The following VIL1 variants were observed in gnomAD, a reference collection of about 807,000 sequenced individuals.
VIL1 encodes the protein villin-1.
VIL1 carries 86 observed loss-of-function variants against 104.0 expected under a neutral mutation model. That is an observed-to-expected ratio of 0.83 (90% confidence interval 0.69 to 0.99). VIL1 has a LOEUF of 0.99. Ranked by LOEUF, VIL1 falls within the 50% of genes least tolerant of loss-of-function variation. The pLI is 0.00. For synonymous variants in VIL1, 394 were observed against 412.6 expected, an observed-to-expected ratio of 0.95 and a Z score of 0.55; for missense variants, 944 against 1,054.1, an observed-to-expected ratio of 0.90 and a Z score of 1.45.
At position 218,437,304 on chromosome 2, in the gene VIL1, A is replaced by C; in HGVS notation, c.2152A>C (p.Lys718Gln). The C allele has an allele frequency of 6.2e-7, 1 of 1,613,704 alleles. No homozygotes were observed. Among genetic ancestry groups the C allele is most frequent in the Non-Finnish European group, 8.5e-7 (1 of 1,179,888 alleles). ...TGWFLAWDPFKWSNTKSYEDL... is the reference protein window; with the variant it reads ...TGWFLAWDPFQWSNTKSYEDL... ...CTGGTTCCTGGCTTGGGATCCCTTC[A>C]AGTGGAGTGTGAGTGGCCTCATCCC... Residue 718 changes from lysine (K) to glutamine (Q), a missense_variant, in exon 17 of 20, where the codon AAG becomes CAG. Lys to Gln is a moderately conservative substitution (Grantham distance 53). Coordinates refer to ENST00000248444, the MANE Select transcript of VIL1 (RefSeq NM_007127.3).
At chr2:218,443,355 G>A (rs376854240) in intron 19 of VIL1, among the ~76,000 whole-genome samples, 3 of 151,782 alleles carry the variant, frequency 2.0e-5, no homozygotes, top group Non-Finnish European at 2.9e-5. Flanking sequence ...ACACCACCAC[G>A]CCTGTCTAAT....
At chr2:218,444,213 A>C (rs1369465520) in intron 19 of VIL1, among the ~76,000 whole-genome samples, 1 of 151,210 alleles carries the variant, frequency 6.6e-6, no homozygotes, top group Admixed American at 6.6e-5. Flanking sequence ...CAGGTGATCC[A>C]CCCGCCTCAG....
intron 18 of VIL1, 35 bp downstream of exon 18, chr2:218,438,761 G>A (rs370405217): frequency 8.2e-6 from 13 of 1,590,288 alleles, no homozygotes; most frequent in South Asian, 1.1e-5. Context: ...GCCCTGCAGT[G>A]GCCAGCTGGT....
At chr2:218,432,666 T>C in intron 12 of VIL1, 127 bp from the exon 13 acceptor site, 2 of 1,254,334 alleles carry the variant, frequency 1.6e-6, no homozygotes, top group Admixed American at 4.1e-5. Flanking sequence ...ACAGTGGAGT[T>C]TGGTGGGGAA....
At chr2:218,429,724 C>A in intron 8 of VIL1, 49 bp downstream of exon 8, 1 of 1,610,574 alleles carries the variant, frequency 6.2e-7, no homozygotes, top group Middle Eastern at 1.7e-4. Flanking sequence ...GGCCCCCTTT[C>A]CCTCAAGCAG....
At chr2:218,448,601 A>G (rs1689407936) in intron 19 of VIL1, among the ~76,000 whole-genome samples, 2 of 151,892 alleles carry the variant, frequency 1.3e-5, no homozygotes, top group Admixed American at 1.3e-4. Flanking sequence ...TAGAGAGGAA[A>G]CTAAGGCTTG....
intron 19 of VIL1, among the ~76,000 whole-genome samples, chr2:218,441,957 A>G (rs767773340): frequency 1.3e-5 from 2 of 152,148 alleles, no homozygotes; most frequent in Non-Finnish European, 2.9e-5. Flanking sequence ...ATTGCACTCC[A>G]GCCTGGGCGA....
In VIL1 at chr2:218,423,865, T is replaced by A. The variant is rs1319631649; in HGVS notation, c.75+12T>A. 6.2e-7 allele frequency: 1 copy of A among 1,614,068 alleles called. No individual in the cohort carries two copies. The highest frequency in any genetic ancestry group is 8.5e-7 in the Non-Finnish European group (1 of 1,179,938). On this transcript the variant is annotated intron_variant, in intron 2 of 19. Coordinates refer to ENST00000248444, the MANE Select transcript of VIL1 (RefSeq NM_007127.3). ...TATGGAGGATCGAGGTGAGGCCCTG[T>A]CTGGGCATGGGGGCTGCTCAGGCCT...
At chr2:218,424,409 G>A (rs995965428) in intron 3 of VIL1, 58 bp downstream of exon 3, 1 of 1,563,654 alleles carries the variant, frequency 6.4e-7, no homozygotes, top group African/African-American at 1.3e-5. Context: ...GTGGTGTCAG[G>A]GAGGAAACAG....
At chr2:218,444,381 G>A (rs187820075) in intron 19 of VIL1, among the ~76,000 whole-genome samples, 9 of 152,020 alleles carry the variant, frequency 5.9e-5, no homozygotes, top group East Asian at 5.8e-4. Flanking sequence ...CTGGGTTCAC[G>A]CCATTCTCCT....
At chr2:218,430,524 G>T (rs532312245) in intron 9 of VIL1, among the ~76,000 whole-genome samples, 1 of 152,070 alleles carries the variant, frequency 6.6e-6, no homozygotes, top group Non-Finnish European at 1.5e-5. Flanking sequence ...TTAGGTTTCA[G>T]GCGGTATCAG....
chr2:218,444,574 G>A (rs967500562), intron 19 of VIL1, among the ~76,000 whole-genome samples: 14 of 152,192 alleles, frequency 9.2e-5, no homozygotes, highest in South Asian at 2.1e-4. Flanking sequence ...CACCGTGCCC[G>A]GCCGGCCTGT....
chr2:218,423,329 A>T (rs2106389738), intron 1 of VIL1, among the ~76,000 whole-genome samples: 1 of 152,334 alleles, frequency 6.6e-6, no homozygotes, highest in East Asian at 1.9e-4. Context: ...TGGGAGGCAG[A>T]GGTTGCAGTG....
intron 1 of VIL1, among the ~76,000 whole-genome samples, chr2:218,419,906 T>C (rs755514671): frequency 6.2e-4 from 94 of 152,284 alleles, no homozygotes; most frequent in Non-Finnish European, 8.4e-4. Flanking sequence ...CGGGACATCA[T>C]CTGCTGGGGC....
chr2:218,434,711 T>C lies in VIL1; in HGVS notation c.1680+6T>C. 1.9e-6 allele frequency: 3 copies of C among 1,610,308 alleles called. No individual in the cohort carries two copies. On this transcript the variant is annotated splice_donor_region_variant and intron_variant, in intron 14 of 19. Coordinates refer to ENST00000248444, the MANE Select transcript of VIL1 (RefSeq NM_007127.3). ...GCTATCTATGGTGTGGGAAGGTGTG[T>C]TCAGGGTCTAGAGGCCTCCCCATCC... is the stretch of plus-strand genomic sequence containing the variant.
At chr2:218,432,278 C>G in intron 12 of VIL1, 95 bp downstream of exon 12, 3 of 1,522,410 alleles carry the variant, frequency 2.0e-6, no homozygotes, top group Non-Finnish European at 2.6e-6. Flanking sequence ...GGTTGAATAC[C>G]TCTGGGGATG....
intron 14 of VIL1, 113 bp downstream of exon 14, chr2:218,434,818 C>T: frequency 1.7e-6 from 2 of 1,173,208 alleles, no homozygotes; most frequent in Non-Finnish European, 2.4e-6. Flanking sequence ...GTTGTGCCTG[C>T]TCAATTCTCA....
chr2:218,435,462 G>C, intron 15 of VIL1, 28 bp downstream of exon 15: 1 of 1,608,512 alleles, frequency 6.2e-7, no homozygotes, highest in Middle Eastern at 1.7e-4. Context: ...CCGCCTCCAG[G>C]TTACCAAGGT....
rs774396719 is a variant in VIL1, at chr2:218,425,823, G to A, written c.347+12G>A. On this transcript the variant is annotated intron_variant, in intron 4 of 19. Transcript: ENST00000248444. Reference sequence around the variant, plus strand: ...AAGCAAGGCCTTGTGTAGGGAGGGTGGGCTGCAGGCCGGGGGAATGAGGAT... The same window carrying A: ...AAGCAAGGCCTTGTGTAGGGAGGGTAGGCTGCAGGCCGGGGGAATGAGGAT... The A allele has an allele frequency of 1.3e-6, 2 of 1,597,446 alleles. No homozygotes were observed. The highest frequency in any genetic ancestry group is 3.4e-5 in the Admixed American group (2 of 58,896).
Sources: allele counts gnomAD v4.1 joint callset (sites outside exome capture counted in the v4.1 genomes callset), GRCh38; gene constraint gnomAD v4.1.1; transcripts MANE v1.5; gene names NCBI Gene and HGNC (gene_info 2026-07-23, HGNC 2026-07-21).